The following GRM3 variants were observed in gnomAD, a reference collection of about 807,000 sequenced individuals.
The protein encoded by GRM3 is metabotropic glutamate receptor 3.
In GRM3, 26 loss-of-function variants were observed where a neutral mutation model predicts 70.5. That is an observed-to-expected ratio of 0.37 (90% CI 0.27 to 0.51). GRM3 has a LOEUF of 0.51. GRM3 is among the 20% of genes least tolerant of loss of function. The pLI, the probability that GRM3 is intolerant of heterozygous loss-of-function variation, is 0.93. For synonymous variants in GRM3, 443 were observed against 434.9 expected, an observed-to-expected ratio of 1.02 and a Z score of -0.23; for missense variants, 859 against 1,123.8, an observed-to-expected ratio of 0.76 and a Z score of 3.37.
intron 3 of GRM3, among the ~76,000 whole-genome samples, chr7:86,832,245 C>CTTTTTT (rs371453726): frequency 3.4e-4 from 38 of 112,318 alleles, no homozygotes; most frequent in Admixed American, 5.4e-4. Flanking sequence ...TGCTTGTAGC[C>CTTTTTT]TTTTTTTTTT....
At chr7:86,836,943 A>G (rs1798468095) in intron 3 of GRM3, among the ~76,000 whole-genome samples, 2 of 152,188 alleles carry the variant, frequency 1.3e-5, no homozygotes, top group South Asian at 4.1e-4. Flanking sequence ...CTCAACTACT[A>G]CATCACCCTG....
chr7:86,735,904 TAG>T (rs1291539687), intron 1 of GRM3, among the ~76,000 whole-genome samples: 1 of 152,172 alleles, frequency 6.6e-6, no homozygotes, highest in Non-Finnish European at 1.5e-5. Context: ...CTCAAAGCAT[TAG>T]AGAGAAGCAG....
At chr7:86,836,071 ATG>A (rs1798450577) in intron 3 of GRM3, among the ~76,000 whole-genome samples, 1 of 152,208 alleles carries the variant, frequency 6.6e-6, no homozygotes, top group African/African-American at 2.4e-5. Flanking sequence ...TTAAAATAAG[ATG>A]TGTTTCCTGT....
intron 1 of GRM3, among the ~76,000 whole-genome samples, chr7:86,746,102 G>A (rs1434852786): frequency 6.6e-6 from 1 of 151,498 alleles, no homozygotes; most frequent in African/African-American, 2.4e-5. Flanking sequence ...CTTTCAGGTA[G>A]GCATCAAGCA....
intron 1 of GRM3, among the ~76,000 whole-genome samples, chr7:86,748,233 T>C (rs1041856421): frequency 2.6e-5 from 4 of 152,076 alleles, no homozygotes; most frequent in African/African-American, 9.7e-5. Flanking sequence ...CAATGGAATA[T>C]ATATATTTTT....
intron 1 of GRM3, among the ~76,000 whole-genome samples, chr7:86,719,751 G>A (rs565412397): frequency 6.6e-6 from 1 of 151,942 alleles, no homozygotes; most frequent in East Asian, 1.9e-4. Context: ...TGATAAAAGA[G>A]CATCTAACAG....
rs2116735044 is a variant in GRM3 at position 86,838,996 on chromosome 7, C to T, written c.1482C>T (p.Val494=). The T allele has an allele frequency of 6.2e-7, 1 of 1,614,090 alleles. No individual in the cohort carries two copies. The highest frequency in any genetic ancestry group is 8.5e-7 in the Non-Finnish European group (1 of 1,179,978). ...GGGCAGAAACCTTATCGCTAGATGT[C>T]AACTCTATCCACTGGTCCCGGAACT... ...GHWAETLSLD[V]NSIHWSRNSV... is the part of the protein sequence containing the mutation. Residue 494 remains valine, a synonymous_variant, in exon 4 of 6, where the codon GTC becomes GTT. Transcript: ENST00000361669.
rs533038376 is a variant in GRM3 at position 86,725,631 on chromosome 7, T to C, written c.-140-39375T>C. 3.9e-5 allele frequency among the ~76,000 whole-genome samples: 6 copies of C among 152,284 alleles called. No individual in the cohort carries two copies. In the South Asian group the frequency reaches 1.2e-3, roughly 32 times the overall value. ...GAAGAGCATGTAGGACAGCTCTCTTTGGAAAATAAAGTCAGCCACAGTAGG... is the reference window on the plus strand; with the variant it reads ...GAAGAGCATGTAGGACAGCTCTCTTCGGAAAATAAAGTCAGCCACAGTAGG... On this transcript the variant is annotated intron_variant, in intron 1 of 5. Coordinates refer to ENST00000361669, the MANE Select transcript of GRM3 (RefSeq NM_000840.3).
chr7:86,778,115 C>G (rs1796942717), intron 2 of GRM3, among the ~76,000 whole-genome samples: 1 of 152,104 alleles, frequency 6.6e-6, no homozygotes, highest in African/African-American at 2.4e-5. Flanking sequence ...GATAGGTGAA[C>G]AGCAGAGAAT....
At chr7:86,667,274 T>C (rs978800406) in intron 1 of GRM3, among the ~76,000 whole-genome samples, 4 of 152,102 alleles carry the variant, frequency 2.6e-5, no homozygotes, top group African/African-American at 9.7e-5. Context: ...TAGTGGATGA[T>C]TCAACCAGGT....
chr7:86,771,062 G>C (rs1389853336), intron 2 of GRM3, among the ~76,000 whole-genome samples: 2 of 152,018 alleles, frequency 1.3e-5, no homozygotes, highest in Non-Finnish European at 2.9e-5. Context: ...CTGGAGCAAG[G>C]TATATTTAGA....
At chr7:86,747,693 T>C (rs551150672) in intron 1 of GRM3, among the ~76,000 whole-genome samples, 1 of 152,220 alleles carries the variant, frequency 6.6e-6, no homozygotes, top group East Asian at 1.9e-4. Context: ...CTTACACTGG[T>C]AAACATCCAA....
chr7:86,686,664 T>C (rs746914817), intron 1 of GRM3, among the ~76,000 whole-genome samples: 1 of 152,148 alleles, frequency 6.6e-6, no homozygotes, highest in Non-Finnish European at 1.5e-5. Context: ...GCATTACTGC[T>C]ATAGCTGACA....
intron 1 of GRM3, among the ~76,000 whole-genome samples, chr7:86,649,835 T>G (rs989324960): frequency 6.6e-6 from 1 of 152,114 alleles, no homozygotes; most frequent in African/African-American, 2.4e-5. Flanking sequence ...GTACCTATTT[T>G]GACCAAAACA....
chr7:86,785,685 A>ATTTTTTTTTTTTTTTTTTTTTTTTTTTT (rs749456155), intron 2 of GRM3, among the ~76,000 whole-genome samples: 1 of 65,234 alleles, frequency 1.5e-5, no homozygotes, highest in African/African-American at 5.6e-5. Flanking sequence ...AATAGAATTG[A>ATTTTTTTTTTTTTTTTTTTTTTTTTTTT]TTTTTTTTTT....
intron 1 of GRM3, among the ~76,000 whole-genome samples, chr7:86,732,410 GA>G (rs1289263573): frequency 1.5e-5 from 2 of 137,576 alleles, no homozygotes; most frequent in African/African-American, 6.1e-5. Flanking sequence ...CTGGAAAAAT[GA>G]ACCTGGCTAT....
chr7:86,858,481 A>G (rs1460910511), intron 5 of GRM3, among the ~76,000 whole-genome samples: 2 of 152,140 alleles, frequency 1.3e-5, no homozygotes, highest in East Asian at 3.9e-4. Context: ...GGAGAGGAAG[A>G]GAGACCTGAA....
intron 1 of GRM3, among the ~76,000 whole-genome samples, chr7:86,703,320 G>A (rs1794987249): frequency 6.6e-6 from 1 of 151,922 alleles, no homozygotes; most frequent in Admixed American, 6.6e-5. Context: ...AAGAGGTGGG[G>A]GAACCTCCGC....
intron 1 of GRM3, among the ~76,000 whole-genome samples, chr7:86,695,588 T>C (rs542983467): frequency 1.4e-4 from 22 of 152,278 alleles, no homozygotes; most frequent in African/African-American, 5.3e-4. Flanking sequence ...CTTCAAATCA[T>C]GAACTCCCGT....
Sources: allele counts gnomAD v4.1 joint callset (sites outside exome capture counted in the v4.1 genomes callset), GRCh38; gene constraint gnomAD v4.1.1; transcripts MANE v1.5; gene names NCBI Gene and HGNC (gene_info 2026-07-23, HGNC 2026-07-21).